Variants in SPTB observed in about 807,000 individuals in gnomAD.
SPTB encodes spectrin beta chain, erythrocytic.
SPTB carries 45 observed loss-of-function variants against 256.2 expected under a neutral mutation model. The observed-to-expected ratio is 0.18, with a 90% CI of 0.14 to 0.23. The LOEUF is 0.23. Among genes scored for constraint, SPTB ranks in the 10% least tolerant of loss-of-function variants. SPTB has a pLI of 1.00. For synonymous variants in SPTB, 1,231 were observed against 1,243.1 expected (o/e 0.99, Z 0.21); for missense variants, 2,715 against 3,040.4 (o/e 0.89, Z 2.52).
At chr14:64,805,198 A>T in intron 2 of SPTB, 108 bp from the exon 3 acceptor site, 1 of 1,294,582 alleles carries the variant, frequency 7.7e-7, no homozygotes, top group South Asian at 1.3e-5. Flanking sequence ...TGCTTGGCAG[A>T]GGAAGTCGAT....
rs528865089 is a variant in SPTB at position 64,803,880 on chromosome 14, C to T, written c.301-100G>A. 6.5e-5 allele frequency: 83 copies of T among 1,286,234 alleles called. 1 individual carries two copies. The highest frequency in any genetic ancestry group is 8.5e-5 in the Non-Finnish European group (79 of 929,328). The allele number at this position is 1,286,234 out of a possible 1,614,324, so 79.7% of individuals were successfully genotyped here. On this transcript the variant is annotated intron_variant, in intron 3 of 35. Coordinates refer to ENST00000644917, the MANE Select transcript of SPTB (RefSeq NM_001355436.2). Reference sequence around the variant, plus strand: ...TCCTGTCATAAGCACCCACCCTCCACCCTCTTGGCCAAACACCAAGTCCCA... The same window carrying T: ...TCCTGTCATAAGCACCCACCCTCCATCCTCTTGGCCAAACACCAAGTCCCA...
intron 1 of SPTB, among the ~76,000 whole-genome samples, chr14:64,849,800 T>C (rs1238726274): frequency 6.6e-6 from 1 of 152,190 alleles, no homozygotes; most frequent in Non-Finnish European, 1.5e-5. Context: ...CTACTAACAC[T>C]CTACTCAACT....
At chr14:64,766,477 T>C (rs990267178) in intron 32 of SPTB, 36 of 1,431,724 alleles carry the variant, frequency 2.5e-5, no homozygotes, top group Admixed American at 5.7e-5. Context: ...ACTAATAACG[T>C]CATGTCACTG....
chr14:64,797,373 G>C lies in SPTB; in HGVS notation c.1182+356C>G, dbSNP rs547087133. 3.1e-4 allele frequency among the ~76,000 whole-genome samples: 47 copies of C among 150,102 alleles called. 1 individual carries two copies. Among genetic ancestry groups the C allele is most frequent in the African/African-American group, 1.1e-3 (46 of 40,744 alleles). On this transcript the variant is annotated intron_variant, in intron 10 of 35. Coordinates refer to ENST00000644917, the MANE Select transcript of SPTB (RefSeq NM_001355436.2). ...TAGTCCCAGCTACTGAGACTGAGGT[G>C]GGAGGATCACTTGAGCCCAGGAGGA...
At position 64,760,849 on chromosome 14, in the gene SPTB, G is replaced by C. The variant is rs925316433; in HGVS notation, c.6345+5877C>G. Among the ~76,000 whole-genome samples, 1 of 152,198 alleles carries C rather than the reference G, an allele frequency of 6.6e-6. No individual in the cohort carries two copies. Among genetic ancestry groups the C allele is most frequent in the African/African-American group, 2.4e-5 (1 of 41,448 alleles). ...GTGACCTGTCCATAGTCACACATTA[G>C]TGAGGAATGTTGAGGTCGCAGGTCT... is the stretch of plus-strand genomic sequence containing the variant. On this transcript the variant is annotated intron_variant, in intron 32 of 35. Transcript: ENST00000644917. This position sits in a 1 kb window ranked among gnomAD's most constrained non-coding sequence, Gnocchi z 4.3.
In SPTB at chr14:64,826,497, G is replaced by T. The variant is rs954514557; in HGVS notation, c.-51-3352C>A. 1.3e-5 allele frequency among the ~76,000 whole-genome samples: 2 copies of T among 152,186 alleles called. No homozygotes were observed. Among genetic ancestry groups the T allele is most frequent in the Admixed American group, 6.5e-5 (1 of 15,274 alleles). ...GAGATGATCTGGTCTCATTTTCAAA[G>T]ATATAAGTCATCTGCACATCTAGAG... On this transcript the variant is annotated intron_variant, in intron 1 of 35. Coordinates refer to ENST00000644917, the MANE Select transcript of SPTB (RefSeq NM_001355436.2). The surrounding 1 kb of genome is among the most constrained non-coding windows in gnomAD (Gnocchi z 4.4).
rs1406424353 is a variant in SPTB, at chr14:64,826,366, T to A, written c.-51-3221A>T. Among the ~76,000 whole-genome samples, 1 of 152,094 alleles carries A rather than the reference T, an allele frequency of 6.6e-6. No individual in the cohort carries two copies. The highest frequency in any genetic ancestry group is 1.9e-4 in the East Asian group (1 of 5,186). ...AGGCCTGGCTATAAAGAGATGACCA[T>A]GACTGAAAAAAACAGCATATGTTGG... On this transcript the variant is annotated intron_variant, in intron 1 of 35. Transcript: ENST00000644917. The surrounding 1 kb of genome is among the most constrained non-coding windows in gnomAD (Gnocchi z 4.4).
chr14:64,798,190 A>T (rs979839596), intron 9 of SPTB, among the ~76,000 whole-genome samples: 21 of 152,188 alleles, frequency 1.4e-4, no homozygotes, highest in Non-Finnish European at 2.5e-4. Flanking sequence ...AAAAAATTTT[A>T]AAAAACCTTC....
chr14:64,776,073 C>A (rs1251897079), intron 22 of SPTB, among the ~76,000 whole-genome samples: 2 of 152,152 alleles, frequency 1.3e-5, no homozygotes, highest in Non-Finnish European at 2.9e-5. Context: ...GGCCCTGACA[C>A]GTGTTACTTG....
intron 1 of SPTB, among the ~76,000 whole-genome samples, chr14:64,837,033 G>C (rs1443233230): frequency 6.6e-6 from 1 of 152,212 alleles, no homozygotes; most frequent in African/African-American, 2.4e-5. Context: ...CAGCTACAGA[G>C]ATAATGAGCT....
intron 32 of SPTB, among the ~76,000 whole-genome samples, chr14:64,766,195 GGT>G (rs1405167199): frequency 2.7e-5 from 4 of 149,122 alleles, no homozygotes; most frequent in Non-Finnish European, 5.9e-5. Context: ...TGTGTATGTG[GGT>G]GTGTGGTTGT....
Position 64,759,620 on chromosome 14 carries a change from G to A in SPTB, c.6346-5827C>T, listed in dbSNP as rs1448392927. 6.6e-6 allele frequency among the ~76,000 whole-genome samples: 1 copy of A among 152,264 alleles called. No homozygotes were observed. The highest frequency in any genetic ancestry group is 6.5e-5 in the Admixed American group (1 of 15,292). On this transcript the variant is annotated intron_variant, in intron 32 of 35. Coordinates refer to ENST00000644917, the MANE Select transcript of SPTB (RefSeq NM_001355436.2). The surrounding 1 kb of genome is among the most constrained non-coding windows in gnomAD (Gnocchi z 4.8). ...TGCTGGCTACTCATGTGGCTGAGAT[G>A]TGACTAAGGGACCGGCAGGTTCTGC...
chr14:64,774,454 T>C lies in SPTB; in HGVS notation c.4916A>G (p.Asn1639Ser), dbSNP rs765799075. Residue 1639 changes from asparagine (N) to serine (S), a missense_variant, in exon 24 of 36, where the codon AAC (asparagine) becomes AGC (serine). By Grantham distance (46) the Asn-to-Ser change is conservative. Around this residue, in one of 4 missense-constraint regions of SPTB, gnomAD observed 2,239 missense variants for 2,384.4 expected, o/e 0.94. Coordinates refer to ENST00000644917, the MANE Select transcript of SPTB (RefSeq NM_001355436.2). The stretch of plus-strand genomic sequence containing the variant: ...GGCCCGGCTGGCCAGCTGCTTGATG[T>C]TCCGGCCGTAGTCCTCCACCGCACG... ...QQRAVEDYGRNIKQLASRAQG... is the reference protein window; with the variant it reads ...QQRAVEDYGRSIKQLASRAQG... 5 of 1,567,174 alleles carry C rather than the reference T, an allele frequency of 3.2e-6. No homozygotes were observed. Among genetic ancestry groups the C allele is most frequent in the Middle Eastern group, 1.7e-4 (1 of 6,020 alleles).
Position 64,822,006 on chromosome 14 carries a change from C to T in SPTB, c.148+941G>A, listed in dbSNP as rs532346430. On this transcript the variant is annotated intron_variant, in intron 2 of 35. Coordinates refer to ENST00000644917, the MANE Select transcript of SPTB (RefSeq NM_001355436.2). ...TTTGGGCCATAAGGTATGGGGGCAGCGGGAGAATCACTCCAGAAAGTGTTT... is the reference window on the plus strand; with the variant it reads ...TTTGGGCCATAAGGTATGGGGGCAGTGGGAGAATCACTCCAGAAAGTGTTT... 7.6e-4 allele frequency among the ~76,000 whole-genome samples: 116 copies of T among 151,906 alleles called. 4 individuals are homozygous for T. The South Asian group carries it at 0.022, about 29-fold the overall frequency.
intron 32 of SPTB, among the ~76,000 whole-genome samples, chr14:64,761,530 ATGTC>A (rs896156715): frequency 6.6e-5 from 10 of 152,174 alleles, no homozygotes; most frequent in Admixed American, 1.3e-4. Flanking sequence ...CAGAGTCCAG[ATGTC>A]TGTCTGAGAT....
intron 24 of SPTB, 131 bp from the exon 25 acceptor site, chr14:64,773,555 G>A: frequency 7.1e-6 from 7 of 982,394 alleles, no homozygotes; most frequent in Non-Finnish European, 1.1e-5. Context: ...CTGGAGAAAT[G>A]ACAGGGGCTT....
In SPTB at chr14:64,825,705, C is replaced by T. The variant is rs553487498; in HGVS notation, c.-51-2560G>A. Among the ~76,000 whole-genome samples the T allele has an allele frequency of 3.3e-5, 5 of 152,234 alleles. No homozygotes were observed. On this transcript the variant is annotated intron_variant, in intron 1 of 35. Coordinates refer to ENST00000644917, the MANE Select transcript of SPTB (RefSeq NM_001355436.2). The surrounding 1 kb of genome is among the most constrained non-coding windows in gnomAD (Gnocchi z 4.8). The stretch of plus-strand genomic sequence containing the variant: ...AAGAGTGGCTGAGAGAGGCCTGGGC[C>T]GTGGGGCTGGAGAGTGAGATTACCT...
intron 1 of SPTB, among the ~76,000 whole-genome samples, chr14:64,869,784 TGC>T (rs1882422213): frequency 1.3e-5 from 1 of 79,626 alleles, no homozygotes; most frequent in Non-Finnish European, 3.1e-5. Flanking sequence ...CACGATGCCC[TGC>T]TTTTTTTTTT....
chr14:64,765,113 G>A (rs1234491522), intron 32 of SPTB, among the ~76,000 whole-genome samples: 1 of 151,688 alleles, frequency 6.6e-6, no homozygotes, highest in Admixed American at 6.6e-5. Flanking sequence ...GGTGAGAAGG[G>A]CTGAAAAAGG....
Sources: allele counts gnomAD v4.1 joint callset (sites outside exome capture counted in the v4.1 genomes callset), GRCh38; gene constraint gnomAD v4.1.1; regional missense constraint gnomAD v4.1.1; non-coding constraint Gnocchi (gnomAD v3.1); transcripts MANE v1.5; gene names NCBI Gene and HGNC (gene_info 2026-07-23, HGNC 2026-07-21).